Variants in AP3D1 observed in about 807,000 individuals in gnomAD.
The protein encoded by AP3D1 is adaptor related protein complex 3 subunit delta 1.
Under a neutral mutation model 147.6 loss-of-function variants are expected in AP3D1, and 51 were observed. The ratio of observed to expected loss-of-function variants is 0.35; its 90% CI spans 0.28 to 0.44. AP3D1 has a LOEUF of 0.44. AP3D1 is among the 20% of genes least tolerant of loss of function. AP3D1 has a pLI of 1.00. For missense variants in AP3D1, 1,421 were observed against 1,624.2 expected (o/e 0.87, Z 2.15); for synonymous variants, 760 against 663.0 (o/e 1.15, Z -2.25).
intron 1 of AP3D1, among the ~76,000 whole-genome samples, chr19:2,156,669 T>C (rs966970472): frequency 1.3e-5 from 2 of 151,922 alleles, no homozygotes; most frequent in African/African-American, 4.8e-5. Flanking sequence ...GCTAACACAG[T>C]GAAACCCCGT....
intron 31 of AP3D1, among the ~76,000 whole-genome samples, chr19:2,105,959 T>G (rs550823275): frequency 1.2e-3 from 184 of 152,116 alleles, no homozygotes; most frequent in Non-Finnish European, 2.2e-3. Context: ...TATCCAGGCG[T>G]GGTCGTGGGC....
At chr19:2,161,747 G>A (rs566482673) in intron 1 of AP3D1, among the ~76,000 whole-genome samples, 2 of 151,848 alleles carry the variant, frequency 1.3e-5, no homozygotes, top group South Asian at 4.2e-4. Context: ...TCAAGAGTTC[G>A]AGACCAGCCT....
At position 2,115,640 on chromosome 19, in the gene AP3D1, C is replaced by T. The variant is rs577592305; in HGVS notation, c.2074-27G>A. The T allele has an allele frequency of 3.0e-5, 48 of 1,602,006 alleles. No homozygotes were observed. The African/African-American group carries it at 3.7e-4, about 13-fold the overall frequency. On this transcript the variant is annotated intron_variant, in intron 18 of 31. Coordinates refer to ENST00000643116, the MANE Select transcript of AP3D1 (RefSeq NM_001261826.3). The stretch of plus-strand genomic sequence containing the variant: ...TGCAAAGGCAACACCCAGGCGTTAC[C>T]GGTGCACCGAGGGGTGACACACGTG...
chr19:2,160,530 C>T (rs3803915), intron 1 of AP3D1, among the ~76,000 whole-genome samples: 2 of 151,282 alleles, frequency 1.3e-5, no homozygotes, highest in African/African-American at 4.9e-5. Flanking sequence ...TAGACTCCTC[C>T]GTCTCAAAAA....
chr19:2,118,182 A>C (rs1049851231), intron 15 of AP3D1, among the ~76,000 whole-genome samples: 1 of 152,034 alleles, frequency 6.6e-6, no homozygotes, highest in Non-Finnish European at 1.5e-5. Context: ...CAAAACAAAA[A>C]ACAAGCAGAA....
intron 1 of AP3D1, among the ~76,000 whole-genome samples, chr19:2,162,493 T>C (rs113536287): frequency 0.017 from 2,644 of 151,216 alleles, 77 homozygotes; most frequent in African/African-American, 0.06. Context: ...GAAATGCATC[T>C]CTACTAAAAC....
intron 21 of AP3D1, 47 bp from the exon 22 acceptor site, chr19:2,114,349 C>T: frequency 6.7e-7 from 1 of 1,498,820 alleles, no homozygotes; most frequent in Middle Eastern, 1.7e-4. Context: ...CTGGCCACCC[C>T]CCAGGACCAC....
Position 2,102,050 on chromosome 19 carries a change from ATAGAGT to A in AP3D1, c.*117_*122del. On this transcript the variant is annotated 3_prime_UTR_variant, in exon 32 of 32. Coordinates refer to ENST00000643116, the MANE Select transcript of AP3D1 (RefSeq NM_001261826.3). ...CTCGGATGTCTACACGGCGGACAACATAGAGTTAAATTAACACTCAGGCTTGGGTAC... is the reference window on the plus strand; with the variant it reads ...CTCGGATGTCTACACGGCGGACAACATAAATTAACACTCAGGCTTGGGTAC... 2.8e-6 allele frequency: 2 copies of A among 723,924 alleles called. No homozygotes were observed. Among genetic ancestry groups the A allele is most frequent in the Non-Finnish European group, 4.7e-6 (2 of 425,738 alleles). 44.8% of individuals were successfully genotyped at this position (723,924 alleles called of 1,614,324 possible). A position where few individuals can be genotyped will look rare whatever the true frequency, so the allele number is the denominator to read the frequency against.
At position 2,116,241 on chromosome 19, in the gene AP3D1, G is replaced by A; in HGVS notation, c.2039C>T (p.Pro680Leu). 6.2e-7 allele frequency: 1 copy of A among 1,614,174 alleles called. No individual in the cohort carries two copies. The highest frequency in any genetic ancestry group is 8.5e-7 in the Non-Finnish European group (1 of 1,180,012). The change falls in exon 18 of 32, where the codon CCC becomes CTC. Residue 680 changes from proline to leucine, a missense_variant. Around this residue, in one of 6 missense-constraint regions of AP3D1, gnomAD observed 791 missense variants for 761.4 expected, o/e 1.04. Coordinates refer to ENST00000643116, the MANE Select transcript of AP3D1 (RefSeq NM_001261826.3). ...CGATGGCGAGCTCTTGATGTAGAAG[G>A]GGTTGTTGGCCTGCTCCTGCTTCCG... is the stretch of plus-strand genomic sequence containing the variant. ...EARKQEQANN[P>L]FYIKSSPSPQ... is the part of the protein sequence containing the mutation.
In AP3D1 at chr19:2,124,712, G is replaced by A. The variant is rs570945305; in HGVS notation, c.857-833C>T. 2.0e-5 allele frequency among the ~76,000 whole-genome samples: 3 copies of A among 152,270 alleles called. No homozygotes were observed. The South Asian group carries it at 6.2e-4, about 32-fold the overall frequency. Reference sequence around the variant, plus strand: ...TCCCAGCGCTTTGGGAGGCTGAGGCGGGCAGATGACCTGAGGTCAGGAGTT... The same window carrying A: ...TCCCAGCGCTTTGGGAGGCTGAGGCAGGCAGATGACCTGAGGTCAGGAGTT... On this transcript the variant is annotated intron_variant, in intron 9 of 31. Coordinates refer to ENST00000643116, the MANE Select transcript of AP3D1 (RefSeq NM_001261826.3).
chr19:2,108,707 C>A lies in AP3D1; in HGVS notation c.3532G>T (p.Val1178Phe). Residue 1178 changes from valine to phenylalanine, a missense_variant, in exon 31 of 32, where the codon GTC (valine) becomes TTC (phenylalanine). By Grantham distance (50) the Val-to-Phe change is conservative. Around this residue, in one of 6 missense-constraint regions of AP3D1, gnomAD observed 791 missense variants for 761.4 expected, o/e 1.04. Transcript: ENST00000643116. ...MYSRSIQGHH[V>F]CLLVKKGENS... Reference sequence around the variant, plus strand: ...CTCACCTTTTTCACCAGGAGGCAGACATGGTGGCCCTGGATGGAGCGGCTG... The same window carrying A: ...CTCACCTTTTTCACCAGGAGGCAGAAATGGTGGCCCTGGATGGAGCGGCTG... 6.3e-7 allele frequency: 1 copy of A among 1,583,236 alleles called. No homozygotes were observed. The highest frequency in any genetic ancestry group is 8.6e-7 in the Non-Finnish European group (1 of 1,165,042).
rs200966141 is a variant in AP3D1 at position 2,115,291 on chromosome 19, C to T, written c.2277G>A (p.Ser759=). 3.1e-6 allele frequency: 5 copies of T among 1,613,120 alleles called. No homozygotes were observed. Among genetic ancestry groups the T allele is most frequent in the African/African-American group, 2.7e-5 (2 of 74,950 alleles). Reference sequence around the variant, plus strand: ...TGTCCTCGTCGCTCTCCGTGGGCAGCGAGCTGTGGCGGCGCTTGCCCTTCT... The same window carrying T: ...TGTCCTCGTCGCTCTCCGTGGGCAGTGAGCTGTGGCGGCGCTTGCCCTTCT... ...KEKKGKRRHS[S]LPTESDEDIA... is the part of the protein sequence containing the mutation. Residue 759 remains serine (S), a synonymous_variant, in exon 20 of 32, where the codon TCG becomes TCA. Transcript: ENST00000643116.
rs557448529 is a variant in AP3D1 at position 2,163,683 on chromosome 19, G to T, written c.-103+673C>A. 3.5e-3 allele frequency among the ~76,000 whole-genome samples: 536 copies of T among 152,142 alleles called. 1 individual carries two copies. The highest frequency in any genetic ancestry group is 0.012 in the African/African-American group (517 of 41,540). On this transcript the variant is annotated intron_variant, in intron 1 of 14. Transcript: ENST00000643010. ...TTCGAACCCGCTATCCGACGGGCCCGCCCACAGGGTCTCCCCGGGTCCCCG... is the reference window on the plus strand; with the variant it reads ...TTCGAACCCGCTATCCGACGGGCCCTCCCACAGGGTCTCCCCGGGTCCCCG...
chr19:2,129,224 G>C (rs1049213002), intron 7 of AP3D1, 61 bp from the exon 8 acceptor site: 1 of 1,602,906 alleles, frequency 6.2e-7, no homozygotes, highest in Non-Finnish European at 8.5e-7. Context: ...GTGAGGGACA[G>C]GGGGGGCCTC....
intron 1 of AP3D1, among the ~76,000 whole-genome samples, chr19:2,143,566 T>TCTA (rs1381096529): frequency 6.6e-6 from 1 of 151,682 alleles, no homozygotes; most frequent in Non-Finnish European, 1.5e-5. Context: ...TGTATTTTTG[T>TCTA]GTAGAGAGGA....
intron 4 of AP3D1, among the ~76,000 whole-genome samples, chr19:2,132,978 G>C (rs2145122925): frequency 6.6e-6 from 1 of 152,288 alleles, no homozygotes; most frequent in Non-Finnish European, 1.5e-5. Flanking sequence ...GAGTTTCCTG[G>C]CACCTCCTGG....
chr19:2,158,785 G>A (rs1164023168), intron 1 of AP3D1, among the ~76,000 whole-genome samples: 1 of 152,078 alleles, frequency 6.6e-6, no homozygotes, highest in Non-Finnish European at 1.5e-5. Flanking sequence ...TTGCTAATCT[G>A]TTAGTCCTGC....
At chr19:2,137,576 A>G (rs894598387) in intron 3 of AP3D1, 151 bp downstream of exon 3, 1 of 680,800 alleles carries the variant, frequency 1.5e-6, no homozygotes, top group East Asian at 2.7e-5. Flanking sequence ...TCAGCCTCCC[A>G]AAGTGCTGGG....
chr19:2,135,785 A>G (rs963726489), intron 4 of AP3D1, among the ~76,000 whole-genome samples: 2 of 152,152 alleles, frequency 1.3e-5, no homozygotes, highest in African/African-American at 4.8e-5. Context: ...GGCCGTGCCG[A>G]GCCCATCAGC....
Sources: gnomAD v4.1 joint callset for allele counts (sites outside exome capture counted in the v4.1 genomes callset) on GRCh38, gnomAD v4.1.1 for gene constraint, gnomAD v4.1.1 regional missense constraint, MANE v1.5 for transcripts, NCBI Gene and HGNC (gene_info 2026-07-23, HGNC 2026-07-21) for gene names.